ADGRL2: variants seen among roughly 807,000 people sequenced by gnomAD.
ADGRL2 encodes adhesion G protein-coupled receptor L2, also known as calcium-independent alpha-latrotoxin receptor 2.
Under a neutral mutation model 157.4 loss-of-function variants are expected in ADGRL2, and 44 were observed. That is an observed-to-expected ratio of 0.28 (90% confidence interval 0.22 to 0.36). The LOEUF (loss-of-function observed/expected upper bound fraction) is 0.36, where lower values mean the gene tolerates loss of function less well. ADGRL2 is among the 10% of genes least tolerant of loss of function. ADGRL2 has a pLI of 1.00. For synonymous variants in ADGRL2, 585 were observed against 624.7 expected (o/e 0.94, Z 0.95); for missense variants, 1,510 against 1,768.9 (o/e 0.85, Z 2.63).
At chr1:81,431,872 G>A (rs1031990020) in intron 1 of ADGRL2, among the ~76,000 whole-genome samples, 10 of 152,264 alleles carry the variant, frequency 6.6e-5, no homozygotes, top group Admixed American at 6.5e-4. Context: ...TTTCTTGAAT[G>A]TTCATGAAGT....
chr1:81,635,687 G>T (rs1327916981), intron 3 of ADGRL2, among the ~76,000 whole-genome samples: 2 of 152,122 alleles, frequency 1.3e-5, no homozygotes, highest in African/African-American at 2.4e-5. Flanking sequence ...GAGGGCTCTT[G>T]TGACCTAATC....
At position 81,324,786 on chromosome 1, in the gene ADGRL2, G is replaced by T. The variant is rs538675294; in HGVS notation, c.-302+18277G>T. On this transcript the variant is annotated intron_variant, in intron 1 of 24. Coordinates refer to the ADGRL2 transcript ENST00000370721. ...AGTTAGAAAGCAGTGTCTCAATCTC[G>T]GCTCACTGCAACCTCTGCCTCCCAG... 1.8e-4 allele frequency among the ~76,000 whole-genome samples: 28 copies of T among 151,972 alleles called. No individual in the cohort carries two copies. The South Asian group carries it at 2.1e-3, about 11-fold the overall frequency.
chr1:81,723,041 A>G, intron 1 of ADGRL2: 1 of 763,076 alleles, frequency 1.3e-6, no homozygotes, highest in East Asian at 2.5e-5. Flanking sequence ...TCTTATCAGT[A>G]AATTGTCAGC....
At chr1:81,461,675 A>C (rs1260913915) in intron 2 of ADGRL2, among the ~76,000 whole-genome samples, 2 of 152,148 alleles carry the variant, frequency 1.3e-5, no homozygotes, top group African/African-American at 2.4e-5. Flanking sequence ...AGAGAGATAA[A>C]AAGAGGATAC....
intron 3 of ADGRL2, among the ~76,000 whole-genome samples, chr1:81,922,542 G>A (rs2095007722): frequency 6.6e-6 from 1 of 152,126 alleles, no homozygotes; most frequent in Non-Finnish European, 1.5e-5. Context: ...TTATAGTAGA[G>A]AAGAGTAAGG....
At position 81,631,854 on chromosome 1, in the gene ADGRL2, G is replaced by A. The variant is rs184887398; in HGVS notation, c.-143+50874G>A. Among the ~76,000 whole-genome samples the A allele has an allele frequency of 1.1e-3, 160 of 152,088 alleles. 1 individual carries two copies. The highest frequency in any genetic ancestry group is 2.1e-3 in the Non-Finnish European group (146 of 68,006). On this transcript the variant is annotated intron_variant, in intron 3 of 24. Transcript: ENST00000370721. ...ACACACTGGAGCATTTCCTTGAATG[G>A]CTGGTAAAGATCTGCTAAATTTGGA...
intron 2 of ADGRL2, among the ~76,000 whole-genome samples, chr1:81,883,483 A>AG (rs1199935710): frequency 5.3e-5 from 8 of 152,168 alleles, no homozygotes; most frequent in African/African-American, 1.9e-4. Context: ...GACACTTTGT[A>AG]GTTACTAATT....
chr1:81,386,571 AGGCC>A (rs1171954761), intron 1 of ADGRL2, among the ~76,000 whole-genome samples: 2 of 152,258 alleles, frequency 1.3e-5, no homozygotes, highest in African/African-American at 4.8e-5. Context: ...TTTGGTGGCC[AGGCC>A]TTACAAAAGA....
At chr1:81,669,339 C>A (rs1339124161) in intron 3 of ADGRL2, among the ~76,000 whole-genome samples, 1 of 152,064 alleles carries the variant, frequency 6.6e-6, no homozygotes, top group Non-Finnish European at 1.5e-5. Flanking sequence ...ATTTAGAGCC[C>A]AGGAGCTCAA....
At chr1:81,721,422 CTTGAA>C (rs1319642444) in intron 1 of ADGRL2, among the ~76,000 whole-genome samples, 7 of 152,068 alleles carry the variant, frequency 4.6e-5, no homozygotes, top group Admixed American at 4.6e-4. Context: ...CCAAATTGAT[CTTGAA>C]CACCAAAGAA....
chr1:81,614,971 C>T (rs1342286779), intron 3 of ADGRL2, among the ~76,000 whole-genome samples: 1 of 152,074 alleles, frequency 6.6e-6, no homozygotes, highest in Non-Finnish European at 1.5e-5. Context: ...AGAGATCACA[C>T]CATTGCACTC....
At chr1:81,729,410 AC>A (rs1240324358) in intron 1 of ADGRL2, among the ~76,000 whole-genome samples, 8 of 152,140 alleles carry the variant, frequency 5.3e-5, no homozygotes, top group Non-Finnish European at 1.0e-4. Flanking sequence ...TTCTTGCAGT[AC>A]TGTTTTTCTC....
chr1:81,931,471 G>A (rs1034915386), intron 3 of ADGRL2, among the ~76,000 whole-genome samples: 8 of 152,026 alleles, frequency 5.3e-5, no homozygotes, highest in African/African-American at 1.7e-4. Flanking sequence ...GTGATACTTC[G>A]TGCGTTTTTA....
At chr1:81,882,397 TA>T (rs2094011241) in intron 2 of ADGRL2, among the ~76,000 whole-genome samples, 2 of 152,050 alleles carry the variant, frequency 1.3e-5, no homozygotes, top group African/African-American at 4.8e-5. Flanking sequence ...AAAACTAGAG[TA>T]AAAAACCTTT....
At chr1:81,694,024 A>G (rs1040789711) in intron 3 of ADGRL2, among the ~76,000 whole-genome samples, 2 of 152,218 alleles carry the variant, frequency 1.3e-5, no homozygotes, top group East Asian at 3.8e-4. Context: ...CTGCCCAATG[A>G]AATCAACAAA....
At chr1:81,911,864 C>T (rs1416561823) in intron 3 of ADGRL2, among the ~76,000 whole-genome samples, 3 of 150,682 alleles carry the variant, frequency 2.0e-5, no homozygotes, top group Admixed American at 1.3e-4. Context: ...TAAAATAGGC[C>T]CCCTGCCTCC....
intron 3 of ADGRL2, among the ~76,000 whole-genome samples, chr1:81,606,673 A>G: frequency 6.7e-6 from 1 of 150,288 alleles, no homozygotes; most frequent in Non-Finnish European, 1.5e-5. Flanking sequence ...TCTCTTTTTC[A>G]TCCCTGTCTC....
chr1:81,918,590 T>G (rs2148552908), intron 3 of ADGRL2, among the ~76,000 whole-genome samples: 1 of 152,234 alleles, frequency 6.6e-6, no homozygotes, highest in Middle Eastern at 3.4e-3. Context: ...ATGCCAGTGT[T>G]TGTAAGGCAC....
At chr1:81,864,483 A>G (rs761113238) in intron 2 of ADGRL2, among the ~76,000 whole-genome samples, 1 of 152,168 alleles carries the variant, frequency 6.6e-6, no homozygotes, top group Non-Finnish European at 1.5e-5. Flanking sequence ...GAATTGACCT[A>G]TGACATATTA....
Sources: allele counts gnomAD v4.1 joint callset (sites outside exome capture counted in the v4.1 genomes callset), GRCh38; gene constraint gnomAD v4.1.1; transcripts MANE v1.5; gene names NCBI Gene and HGNC (gene_info 2026-07-23, HGNC 2026-07-21).